DIXDC1: variants seen among roughly 807,000 people sequenced by gnomAD.
The protein encoded by DIXDC1 is dixin.
DIXDC1 carries 64 observed loss-of-function variants against 103.1 expected under a neutral mutation model. The ratio of observed to expected loss-of-function variants is 0.62; its 90% CI spans 0.51 to 0.76. The LOEUF is 0.76. Among genes scored for constraint, DIXDC1 ranks in the 30% least tolerant of loss-of-function variants. The pLI is 0.00. For missense variants in DIXDC1, 759 were observed against 834.2 expected, an observed-to-expected ratio of 0.91 and a Z score of 1.11; for synonymous variants, 266 against 298.5, an observed-to-expected ratio of 0.89 and a Z score of 1.12.
intron 17 of DIXDC1, among the ~76,000 whole-genome samples, chr11:111,999,484 T>G (rs1861000752): frequency 6.6e-6 from 1 of 152,198 alleles, no homozygotes; most frequent in African/African-American, 2.4e-5. Context: ...ATAAAGTTCT[T>G]AGAAGAAAAC....
At chr11:111,999,297 T>G (rs913895021) in intron 17 of DIXDC1, among the ~76,000 whole-genome samples, 9 of 152,208 alleles carry the variant, frequency 5.9e-5, no homozygotes, top group African/African-American at 2.2e-4. Context: ...AACAGTAGAT[T>G]AGTGAAATCA....
At chr11:111,954,055 G>C (rs587605583) in intron 1 of DIXDC1, among the ~76,000 whole-genome samples, 1 of 152,182 alleles carries the variant, frequency 6.6e-6, no homozygotes, top group South Asian at 2.1e-4. Context: ...ACCAGGTGGG[G>C]GATGGTTTTG....
chr11:111,984,853 A>G (rs892678690), intron 7 of DIXDC1, among the ~76,000 whole-genome samples: 3 of 152,188 alleles, frequency 2.0e-5, no homozygotes, highest in Admixed American at 6.5e-5. Context: ...TATAATACTC[A>G]TTTCTAAGCC....
intron 1 of DIXDC1, among the ~76,000 whole-genome samples, chr11:111,939,059 C>A (rs1381293526): frequency 6.6e-6 from 1 of 152,246 alleles, no homozygotes; most frequent in Non-Finnish European, 1.5e-5. Context: ...TGGTCTTTAG[C>A]TGCGTAAGTC....
intron 17 of DIXDC1, among the ~76,000 whole-genome samples, chr11:112,005,558 T>G (rs180867625): frequency 9.3e-4 from 141 of 151,762 alleles, no homozygotes; most frequent in African/African-American, 3.0e-3. Context: ...ATTAGCCAGG[T>G]GTGGTGGCAT....
At chr11:111,946,778 C>T (rs908367536) in intron 1 of DIXDC1, 4 of 490,784 alleles carry the variant, frequency 8.2e-6, no homozygotes, top group Non-Finnish European at 1.6e-5. Context: ...GGTGTTTTCC[C>T]AACCTTCTTG....
At chr11:111,999,381 A>G (rs1167642883) in intron 17 of DIXDC1, among the ~76,000 whole-genome samples, 1 of 152,232 alleles carries the variant, frequency 6.6e-6, no homozygotes, top group African/African-American at 2.4e-5. Flanking sequence ...GGACAACTGG[A>G]TATTTCCATG....
chr11:112,019,194 T>C lies in DIXDC1; in HGVS notation c.*158T>C. The C allele has an allele frequency of 3.6e-6, 2 of 561,318 alleles. No homozygotes were observed. Among genetic ancestry groups the C allele is most frequent in the Non-Finnish European group, 6.4e-6 (2 of 312,602 alleles). 34.8% of individuals were successfully genotyped at this position (561,318 alleles called of 1,614,324 possible). A position where few individuals can be genotyped will look rare whatever the true frequency, so the allele number is the denominator to read the frequency against. On this transcript the variant is annotated 3_prime_UTR_variant, in exon 20 of 20. Transcript: ENST00000440460. The stretch of plus-strand genomic sequence containing the variant: ...GATGGCCACAGGTCAGTCCTCTTTC[T>C]GTGCCTGGCATATCTGGTACTTAAA...
intron 1 of DIXDC1, among the ~76,000 whole-genome samples, chr11:111,954,032 A>G (rs757659335): frequency 1.2e-4 from 18 of 152,240 alleles, no homozygotes; most frequent in Middle Eastern, 6.8e-3. Context: ...CATGGAAGAC[A>G]GTTTTTCCAT....
intron 1 of DIXDC1, among the ~76,000 whole-genome samples, chr11:111,963,042 T>C (rs1555171200): frequency 6.6e-6 from 1 of 152,100 alleles, no homozygotes; most frequent in Non-Finnish European, 1.5e-5. Context: ...CATTACTGGG[T>C]TTTAATACCA....
chr11:111,987,004 A>T (rs1566534934), intron 9 of DIXDC1, 80 bp downstream of exon 9: 1 of 1,220,174 alleles, frequency 8.2e-7, no homozygotes, highest in Non-Finnish European at 1.1e-6. Context: ...TAATCCCAGC[A>T]CTTTGAGAGG....
At chr11:111,982,673 G>A (rs782337335) in intron 7 of DIXDC1, among the ~76,000 whole-genome samples, 186 bp downstream of exon 7, 2 of 152,138 alleles carry the variant, frequency 1.3e-5, no homozygotes, top group Non-Finnish European at 2.9e-5. Flanking sequence ...GGACTTTGTG[G>A]GCTACCGTTC....
At chr11:111,946,733 G>C in intron 1 of DIXDC1, 1 of 447,798 alleles carries the variant, frequency 2.2e-6, no homozygotes, top group Non-Finnish European at 4.5e-6. Context: ...GGAACTCATT[G>C]AAGTCGGCCT....
In DIXDC1 at chr11:112,017,924, C is replaced by A. The variant is rs1555177960; in HGVS notation, c.1971+39C>A. The A allele has an allele frequency of 2.0e-6, 3 of 1,501,478 alleles. No homozygotes were observed. Among genetic ancestry groups the A allele is most frequent in the Non-Finnish European group, 9.1e-7 (1 of 1,096,618 alleles). The allele number at this position is 1,501,478 out of a possible 1,614,324, so 93.0% of individuals were successfully genotyped here. On this transcript the variant is annotated intron_variant, in intron 19 of 19. Coordinates refer to ENST00000440460, the MANE Select transcript of DIXDC1 (RefSeq NM_001037954.4). The surrounding 1 kb of genome is among the most constrained non-coding windows in gnomAD (Gnocchi z 4.0). ...GGGGAGTCTGTATGGTATTATTGGT[C>A]CTTTCTGAACCCTGAAGCCTCCTGT...
Position 111,977,261 on chromosome 11 carries a change from G to A in DIXDC1, c.656+2278G>A, listed in dbSNP as rs1860135462. The A allele has an allele frequency of 1.0e-6, 1 of 1,001,644 alleles. No individual in the cohort carries two copies. The highest frequency in any genetic ancestry group is 1.7e-5 in the African/African-American group (1 of 57,382). The allele number at this position is 1,001,644 out of a possible 1,614,324, so 62.0% of individuals were successfully genotyped here. On this transcript the variant is annotated intron_variant, in intron 5 of 19. Transcript: ENST00000440460. The surrounding 1 kb of genome is among the most constrained non-coding windows in gnomAD (Gnocchi z 6.1). ...GCTTGGGTCGGAGCCCGGCTGCCTC[G>A]CCGCGTGTGACAGCCCAGGGAGGGA...
intron 1 of DIXDC1, among the ~76,000 whole-genome samples, chr11:111,939,326 C>T (rs749612143): frequency 3.3e-5 from 5 of 152,190 alleles, no homozygotes; most frequent in Admixed American, 3.3e-4. Flanking sequence ...CCCTGACCTC[C>T]AATTCTTGAA....
Position 111,977,151 on chromosome 11 carries a change from CA to C in DIXDC1, c.656+2169del. 1 of 584,868 alleles carries C rather than the reference CA, an allele frequency of 1.7e-6. No individual in the cohort carries two copies. The highest frequency in any genetic ancestry group is 2.2e-6 in the Non-Finnish European group (1 of 463,590). 36.2% of individuals were successfully genotyped at this position (584,868 alleles called of 1,614,324 possible). A position where few individuals can be genotyped will look rare whatever the true frequency, so the allele number is the denominator to read the frequency against. On this transcript the variant is annotated intron_variant, in intron 5 of 19. Coordinates refer to ENST00000440460, the MANE Select transcript of DIXDC1 (RefSeq NM_001037954.4). The surrounding 1 kb of genome is among the most constrained non-coding windows in gnomAD (Gnocchi z 6.1). ...TCCCCCAACCCCTCGTCGACGTCCC[CA>C]CCCCCACCTCCACCCCGCCCAGCCC... is the stretch of plus-strand genomic sequence containing the variant.
intron 1 of DIXDC1, among the ~76,000 whole-genome samples, chr11:111,962,697 A>AAGCAGG (rs1248671888): frequency 6.6e-6 from 1 of 152,186 alleles, no homozygotes; most frequent in Non-Finnish European, 1.5e-5. Flanking sequence ...AACAGATTTT[A>AAGCAGG]AGCAGGAATG....
At chr11:111,982,580 G>A (rs587628871) in intron 7 of DIXDC1, 93 bp downstream of exon 7, 2 of 1,399,814 alleles carry the variant, frequency 1.4e-6, no homozygotes, top group African/African-American at 2.9e-5. Context: ...AGTTTTCTAG[G>A]AGGTCAGAAC....
Sources: gnomAD v4.1 joint callset for allele counts (sites outside exome capture counted in the v4.1 genomes callset) on GRCh38, gnomAD v4.1.1 for gene constraint, Gnocchi (gnomAD v3.1) non-coding constraint, MANE v1.5 for transcripts, NCBI Gene and HGNC (gene_info 2026-07-23, HGNC 2026-07-21) for gene names.